Variants in MED17 observed in about 807,000 individuals in gnomAD.
MED17 encodes mediator of RNA polymerase II transcription subunit 17.
In MED17, 49 loss-of-function variants were observed where a neutral mutation model predicts 80.8. The ratio of observed to expected loss-of-function variants is 0.61; its 90% CI spans 0.48 to 0.77. MED17 has a LOEUF of 0.77. Ranked by LOEUF, MED17 falls within the 30% of genes least tolerant of loss-of-function variation. The pLI, the probability that MED17 is intolerant of heterozygous loss-of-function variation, is 0.00. For missense variants in MED17, 718 were observed against 787.0 expected, an observed-to-expected ratio of 0.91 and a Z score of 1.05; for synonymous variants, 281 against 280.4, an observed-to-expected ratio of 1.00 and a Z score of -0.02.
chr11:93,808,629 T>C (rs1331335133), intron 10 of MED17: 1 of 149,816 alleles, frequency 6.7e-6, no homozygotes, highest in Non-Finnish European at 1.5e-5. Context: ...TTCAAAAACC[T>C]ACCCTATATC....
In MED17 at chr11:93,809,724, A is replaced by T; in HGVS notation, c.1592A>T (p.Gln531Leu). Reference sequence around the variant, plus strand: ...GTCCTTTTTCATTCACAGATGTCACAGCACCAGGTACATGCAGTTCAGCAA... The same window carrying T: ...GTCCTTTTTCATTCACAGATGTCACTGCACCAGGTACATGCAGTTCAGCAA... ...LQDFLLSQMS[Q>L]HQVHAVQQLA... Residue 531 changes from glutamine (Q) to leucine (L), a missense_variant, in exon 11 of 12, where the codon CAG (glutamine) becomes CTG (leucine). Physicochemically the swap from Gln to Leu is moderately radical, Grantham distance 113. Transcript: ENST00000251871. 1 of 1,614,206 alleles carries T rather than the reference A, an allele frequency of 6.2e-7. No homozygotes were observed. Among genetic ancestry groups the T allele is most frequent in the Non-Finnish European group, 8.5e-7 (1 of 1,180,038 alleles).
At chr11:93,788,324 C>T (rs947268310) in intron 2 of MED17, 157 bp downstream of exon 2, 12 of 630,360 alleles carry the variant, frequency 1.9e-5, no homozygotes, top group Non-Finnish European at 3.0e-5. Flanking sequence ...CATACAACTG[C>T]ATTTCCTTTA....
intron 5 of MED17, 78 bp from the exon 6 acceptor site, chr11:93,794,830 A>G (rs1943883303): frequency 1.4e-6 from 2 of 1,441,600 alleles, no homozygotes; most frequent in South Asian, 2.3e-5. Context: ...CTTTTGTCAT[A>G]TGTATTCAGA....
rs530711359 is a variant in MED17 at position 93,791,691 on chromosome 11, CAAAAA to C, written c.637+902_637+906del. 2.0e-5 allele frequency among the ~76,000 whole-genome samples: 3 copies of C among 150,078 alleles called. No individual in the cohort carries two copies. In the East Asian group the frequency reaches 6.6e-4, roughly 33 times the overall value. ...ACTGCATTCCAGCCTGACCTTGTCT[CAAAAA>C]AAACCCCAAAAAAAACCAAACGAAA... On this transcript the variant is annotated intron_variant, in intron 3 of 11. Transcript: ENST00000251871.
chr11:93,798,069 T>C lies in MED17; in HGVS notation c.1328+350T>C, dbSNP rs563481465. On this transcript the variant is annotated intron_variant, in intron 8 of 11. Transcript: ENST00000251871. ...TGAGGGTTTCTGTATTTTTTGTTTC[T>C]TGCACATTTTAGAGTTTGGAGGGCA... Among the ~76,000 whole-genome samples the C allele has an allele frequency of 5.6e-4, 86 of 152,362 alleles. 1 individual carries two copies. In the South Asian group the frequency reaches 0.017, roughly 30 times the overall value.
intron 2 of MED17, among the ~76,000 whole-genome samples, chr11:93,789,962 GA>G (rs934352453): frequency 3.9e-5 from 6 of 152,060 alleles, no homozygotes; most frequent in Admixed American, 2.6e-4. Flanking sequence ...CATCTCAAAA[GA>G]AAAAAAGTTA....
chr11:93,803,489 A>T (rs1297872271), intron 9 of MED17, among the ~76,000 whole-genome samples: 1 of 152,136 alleles, frequency 6.6e-6, no homozygotes, highest in African/African-American at 2.4e-5. Flanking sequence ...AGAAAGAATA[A>T]AATAATTGGG....
At chr11:93,796,590 A>G in intron 7 of MED17, 50 bp downstream of exon 7, 1 of 1,605,274 alleles carries the variant, frequency 6.2e-7, no homozygotes, top group Non-Finnish European at 8.5e-7. Context: ...TGTCCAGGGC[A>G]GTGAGTATGC....
intron 1 of MED17, among the ~76,000 whole-genome samples, chr11:93,785,686 C>G (rs891625254): frequency 3.9e-5 from 6 of 152,124 alleles, no homozygotes; most frequent in Admixed American, 3.9e-4. Context: ...TTGTATTATT[C>G]TGGGAGTCGG....
chr11:93,792,489 T>TG (rs1943847677), intron 3 of MED17, among the ~76,000 whole-genome samples: 1 of 152,242 alleles, frequency 6.6e-6, no homozygotes, highest in African/African-American at 2.4e-5. Flanking sequence ...CTCATGATTA[T>TG]GAAAGGATTT....
At chr11:93,810,019 C>T (rs1015623277) in intron 11 of MED17, 143 bp downstream of exon 11, 2 of 832,406 alleles carry the variant, frequency 2.4e-6, no homozygotes, top group South Asian at 1.4e-5. Context: ...TTTATTTGAT[C>T]ATAGCTATTA....
In MED17 at chr11:93,797,581, G is replaced by A. The variant is rs566018883; in HGVS notation, c.1190G>A (p.Ser397Asn). 1.2e-6 allele frequency: 2 copies of A among 1,614,110 alleles called. No individual in the cohort carries two copies. Among genetic ancestry groups the A allele is most frequent in the South Asian group, 1.1e-5 (1 of 91,072 alleles). Residue 397 changes from serine (S) to asparagine (N), a missense_variant, in exon 8 of 12, where the codon AGT becomes AAT. By Grantham distance (46) the Ser-to-Asn change is conservative. Transcript: ENST00000251871. ...TCCATCATGATGCCTCATCCAGCAA[G>A]TGCACCTTTTGGCCACAAGAGAATG... ...LSSIMMPHPA[S>N]APFGHKRMRL...
At chr11:93,792,888 C>T (rs867830306) in intron 3 of MED17, among the ~76,000 whole-genome samples, 28 of 152,094 alleles carry the variant, frequency 1.8e-4, no homozygotes, top group African/African-American at 5.8e-4. Flanking sequence ...CTGCAGTGAG[C>T]TATGATTACA....
Position 93,784,711 on chromosome 11 carries a change from C to G in MED17, c.198C>G (p.Asp66Glu). 6.5e-7 allele frequency: 1 copy of G among 1,548,338 alleles called. No individual in the cohort carries two copies. The highest frequency in any genetic ancestry group is 2.4e-5 in the East Asian group (1 of 41,564). The change falls in exon 1 of 12, where the codon GAC (aspartate) becomes GAG (glutamate). Residue 66 changes from aspartate to glutamate, a missense_variant. Asp to Glu is a conservative substitution (Grantham distance 45). Coordinates refer to ENST00000251871, the MANE Select transcript of MED17 (RefSeq NM_004268.5). The part of the protein sequence containing the change: ...EEEEAAGTEG[D>E]AQEWPGAGSS... ...AGGAGGCGGCGGGGACCGAGGGCGA[C>G]GCGCAGGAGTGGCCGGGCGCCGGGT...
At chr11:93,802,325 C>G (rs1210619371) in intron 9 of MED17, among the ~76,000 whole-genome samples, 3 of 152,128 alleles carry the variant, frequency 2.0e-5, no homozygotes, top group African/African-American at 7.2e-5. Context: ...GTCTTGAACT[C>G]CTGGACTCCA....
intron 2 of MED17, chr11:93,790,168 C>G: frequency 3.8e-6 from 1 of 265,726 alleles, no homozygotes. Context: ...TGCCATCATG[C>G]AGGTTACCAT....
chr11:93,790,927 C>T (rs760699236), intron 3 of MED17, 134 bp downstream of exon 3: 4 of 787,084 alleles, frequency 5.1e-6, no homozygotes, highest in Non-Finnish European at 8.3e-6. Flanking sequence ...GGCAACATGG[C>T]AAAACCCTAT....
At chr11:93,803,371 G>C (rs1591389002) in intron 9 of MED17, among the ~76,000 whole-genome samples, 1 of 152,188 alleles carries the variant, frequency 6.6e-6, no homozygotes, top group African/African-American at 2.4e-5. Flanking sequence ...TGTGAGAGCA[G>C]ATGCAGAGTA....
At chr11:93,789,687 T>C (rs1351474667) in intron 2 of MED17, 1 of 151,484 alleles carries the variant, frequency 6.6e-6, no homozygotes, top group Admixed American at 6.6e-5. Context: ...ATATTAACAA[T>C]GGCAGGGCAC....
Sources: allele counts gnomAD v4.1 joint callset (sites outside exome capture counted in the v4.1 genomes callset), GRCh38; gene constraint gnomAD v4.1.1; transcripts MANE v1.5; gene names NCBI Gene and HGNC (gene_info 2026-07-23, HGNC 2026-07-21).